BRINP3: variants seen among roughly 807,000 people sequenced by gnomAD.
The protein encoded by BRINP3 is BMP/retinoic acid inducible neural specific 3, also known as BMP/retinoic acid-inducible neural-specific protein 3.
BRINP3 carries 19 observed loss-of-function variants against 71.0 expected under a neutral mutation model. The ratio of observed to expected loss-of-function variants is 0.27; its 90% CI spans 0.19 to 0.39. The LOEUF is 0.39. BRINP3 is among the 10% of genes least tolerant of loss of function. BRINP3 has a pLI of 1.00. For synonymous variants in BRINP3, 380 were observed against 337.7 expected (o/e 1.13, Z -1.37); for missense variants, 959 against 940.8 (o/e 1.02, Z -0.25).
At chr1:190,158,235 T>C (rs1379157301) in intron 7 of BRINP3, among the ~76,000 whole-genome samples, 1 of 152,082 alleles carries the variant, frequency 6.6e-6, no homozygotes, top group Non-Finnish European at 1.5e-5. Flanking sequence ...GCACAAGTTC[T>C]CTCTTTGCCT....
chr1:190,351,892 T>A (rs1434932208), intron 2 of BRINP3, among the ~76,000 whole-genome samples: 1 of 152,106 alleles, frequency 6.6e-6, no homozygotes, highest in Non-Finnish European at 1.5e-5. Flanking sequence ...CTTTATTATG[T>A]TAATATGGTT....
At chr1:190,152,491 A>AATATAT (rs141753835) in intron 7 of BRINP3, among the ~76,000 whole-genome samples, 3,449 of 141,658 alleles carry the variant, frequency 0.024, 63 homozygotes, top group Non-Finnish European at 0.036. Flanking sequence ...TACATGCACA[A>AATATAT]ATATATATAT....
At chr1:190,304,269 A>C (rs1396077344) in intron 2 of BRINP3, among the ~76,000 whole-genome samples, 1 of 151,844 alleles carries the variant, frequency 6.6e-6, no homozygotes, top group African/African-American at 2.4e-5. Context: ...CTTTTCAATA[A>C]ACATATAAAC....
At chr1:190,430,491 T>C (rs10920717) in intron 2 of BRINP3, among the ~76,000 whole-genome samples, 1,741 of 152,236 alleles carry the variant, frequency 0.011, 36 homozygotes, top group African/African-American at 0.039. Context: ...TGAGGTAAGA[T>C]TTATACAAGG....
intron 2 of BRINP3, among the ~76,000 whole-genome samples, chr1:190,321,903 T>C (rs1666272053): frequency 6.6e-6 from 1 of 152,034 alleles, no homozygotes; most frequent in African/African-American, 2.4e-5. Flanking sequence ...ATGTTGTTGT[T>C]CATGTTACAT....
intron 1 of BRINP3, among the ~76,000 whole-genome samples, chr1:190,472,307 G>A (rs960710738): frequency 4.6e-5 from 7 of 151,498 alleles, no homozygotes; most frequent in African/African-American, 1.5e-4. Flanking sequence ...GGAAGTCTAC[G>A]TGTACAAGCA....
intron 7 of BRINP3, among the ~76,000 whole-genome samples, chr1:190,122,536 C>G (rs1197764436): frequency 1.5e-5 from 2 of 131,188 alleles, no homozygotes; most frequent in African/African-American, 2.9e-5. Context: ...GAATCACCGG[C>G]ATGAAAGGCT....
At chr1:190,386,142 A>G (rs2102278697) in intron 2 of BRINP3, among the ~76,000 whole-genome samples, 1 of 149,114 alleles carries the variant, frequency 6.7e-6, no homozygotes, top group East Asian at 2.0e-4. Flanking sequence ...ATGACGAGTT[A>G]GTGGTTGCAG....
chr1:190,107,559 A>C (rs1431192930), intron 7 of BRINP3, among the ~76,000 whole-genome samples: 1 of 152,004 alleles, frequency 6.6e-6, no homozygotes, highest in African/African-American at 2.4e-5. Context: ...AGCCCACTAT[A>C]ACAATATAGT....
intron 6 of BRINP3, among the ~76,000 whole-genome samples, chr1:190,198,123 G>A (rs900613372): frequency 2.0e-5 from 3 of 151,980 alleles, no homozygotes; most frequent in Non-Finnish European, 4.4e-5. Context: ...TGAGCTGTAT[G>A]TTGGCCCCTT....
Position 190,288,159 on chromosome 1 carries a change from T to A in BRINP3, c.237-6409A>T, listed in dbSNP as rs138178292. Among the ~76,000 whole-genome samples, 244 of 152,112 alleles carry A rather than the reference T, an allele frequency of 1.6e-3. 1 individual carries two copies. The highest frequency in any genetic ancestry group is 2.8e-3 in the Non-Finnish European group (192 of 67,912). Reference sequence around the variant, plus strand: ...GTTTGAAAGTATAGTTTAATTTCTATCACAAATATTATATCAACTTATCAA... The same window carrying A: ...GTTTGAAAGTATAGTTTAATTTCTAACACAAATATTATATCAACTTATCAA... On this transcript the variant is annotated intron_variant, in intron 2 of 7. Coordinates refer to ENST00000367462, the MANE Select transcript of BRINP3 (RefSeq NM_199051.3).
chr1:190,371,511 C>A (rs1219196195), intron 2 of BRINP3, among the ~76,000 whole-genome samples: 1 of 152,084 alleles, frequency 6.6e-6, no homozygotes, highest in East Asian at 1.9e-4. Flanking sequence ...TCTGGATTTT[C>A]ATTGCCTTTC....
At chr1:190,190,032 T>A (rs1413917271) in intron 6 of BRINP3, among the ~76,000 whole-genome samples, 2 of 152,134 alleles carry the variant, frequency 1.3e-5, no homozygotes, top group African/African-American at 4.8e-5. Context: ...GACATTGAGT[T>A]CTGTCTGTGC....
intron 6 of BRINP3, among the ~76,000 whole-genome samples, chr1:190,195,111 A>G (rs1229224890): frequency 6.6e-6 from 1 of 152,104 alleles, no homozygotes; most frequent in Non-Finnish European, 1.5e-5. Context: ...ATCACATAAG[A>G]GCATTAGATG....
intron 2 of BRINP3, among the ~76,000 whole-genome samples, chr1:190,380,935 T>C (rs1207421239): frequency 6.6e-6 from 1 of 152,194 alleles, no homozygotes; most frequent in Non-Finnish European, 1.5e-5. Flanking sequence ...CTCCTCATTA[T>C]GATATTTACA....
intron 2 of BRINP3, among the ~76,000 whole-genome samples, chr1:190,310,694 TTCTC>T (rs914029257): frequency 4.4e-4 from 67 of 151,758 alleles, no homozygotes; most frequent in African/African-American, 1.5e-3. Flanking sequence ...TTTCTCCAGT[TTCTC>T]TAACTCATTA....
intron 3 of BRINP3, among the ~76,000 whole-genome samples, chr1:190,275,035 C>T (rs1274647017): frequency 2.6e-5 from 4 of 151,484 alleles, no homozygotes; most frequent in African/African-American, 9.7e-5. Flanking sequence ...AGCAACTGAC[C>T]TTATGATTAT....
At chr1:190,428,751 G>T (rs1320345112) in intron 2 of BRINP3, among the ~76,000 whole-genome samples, 1 of 151,880 alleles carries the variant, frequency 6.6e-6, no homozygotes, top group Non-Finnish European at 1.5e-5. Flanking sequence ...TTGTATATAT[G>T]TATTAAAATA....
chr1:190,212,650 T>C (rs1046873248), intron 6 of BRINP3, among the ~76,000 whole-genome samples: 19 of 152,138 alleles, frequency 1.2e-4, no homozygotes, highest in African/African-American at 4.3e-4. Flanking sequence ...GGCATTTCTC[T>C]GTTTCCTTTC....
Sources: gnomAD v4.1 joint callset for allele counts (sites outside exome capture counted in the v4.1 genomes callset) on GRCh38, gnomAD v4.1.1 for gene constraint, MANE v1.5 for transcripts, NCBI Gene and HGNC (gene_info 2026-07-23, HGNC 2026-07-21) for gene names.